Variants in ACSL5 observed in about 807,000 individuals in gnomAD.
ACSL5 encodes acyl-CoA synthetase long chain family member 5, also known as long-chain-fatty-acid--CoA ligase 5.
ACSL5 carries 50 observed loss-of-function variants against 84.9 expected under a neutral mutation model. That is an observed-to-expected ratio of 0.59 (90% CI 0.47 to 0.75). The LOEUF is 0.75. Ranked by LOEUF, ACSL5 falls within the 30% of genes least tolerant of loss-of-function variation. The pLI, the probability that ACSL5 is intolerant of heterozygous loss-of-function variation, is 0.00. For missense variants in ACSL5, 775 were observed against 830.4 expected (o/e 0.93, Z 0.82); for synonymous variants, 280 against 300.7 (o/e 0.93, Z 0.71).
chr10:112,377,979 C>T (rs1215466194), intron 1 of ACSL5, among the ~76,000 whole-genome samples: 1 of 152,114 alleles, frequency 6.6e-6, no homozygotes, highest in Non-Finnish European at 1.5e-5. Context: ...AATATTTCAG[C>T]CTAGCCTGAC....
In ACSL5 at chr10:112,426,301, C is replaced by T; in HGVS notation, c.1781C>T (p.Pro594Leu). The T allele has an allele frequency of 6.2e-7, 1 of 1,614,114 alleles. No homozygotes were observed. The highest frequency in any genetic ancestry group is 8.5e-7 in the Non-Finnish European group (1 of 1,180,014). Residue 594 changes from proline to leucine, a missense_variant, in exon 19 of 21, where the codon CCC (proline) becomes CTC (leucine). By Grantham distance (98) the Pro-to-Leu change is moderately conservative (BLOSUM62 -3). Transcript: ENST00000354655. ...GVVVPDTDVL[P>L]SFAAKLGVKG... ...GTGGTTCCTGACACAGATGTACTTC[C>T]CTCATTTGCAGCCAAGCTTGGGGTG... is the stretch of plus-strand genomic sequence containing the variant.
intron 3 of ACSL5, among the ~76,000 whole-genome samples, chr10:112,402,421 A>T (rs2133610396): frequency 6.6e-6 from 1 of 152,352 alleles, no homozygotes; most frequent in East Asian, 1.9e-4. Flanking sequence ...CATTTAATAA[A>T]TGGTAGCTAT....
chr10:112,401,764 CTTTCTTTCTT>C (rs1283981380), intron 3 of ACSL5, among the ~76,000 whole-genome samples: 1 of 151,944 alleles, frequency 6.6e-6, no homozygotes, highest in Non-Finnish European at 1.5e-5. Context: ...TCTCTCCTTT[CTTTCTTTCTT>C]TTTCTTTCTT....
At chr10:112,374,841 G>A (rs145664847) in intron 1 of ACSL5, among the ~76,000 whole-genome samples, 8 of 152,272 alleles carry the variant, frequency 5.3e-5, no homozygotes, top group South Asian at 2.1e-4. Flanking sequence ...GCTCCAAGGT[G>A]GTGTGGCTAG....
chr10:112,378,056 C>T lies in ACSL5; in HGVS notation c.-30+3787C>T, dbSNP rs570490290. On this transcript the variant is annotated intron_variant, in intron 1 of 20. Transcript: ENST00000354655. ...GCAAAGACACCAACAACAACATCAG[C>T]GTGTCATTGCATACCTAACCATCCA... Among the ~76,000 whole-genome samples, 8 of 152,140 alleles carry T rather than the reference C, an allele frequency of 5.3e-5. No individual in the cohort carries two copies. The South Asian group carries it at 6.2e-4, about 12-fold the overall frequency.
chr10:112,382,916 C>A (rs1037629715), intron 1 of ACSL5, among the ~76,000 whole-genome samples: 9 of 152,188 alleles, frequency 5.9e-5, no homozygotes, highest in African/African-American at 2.2e-4. Context: ...TTTAACAGGG[C>A]TCCCTTTGGT....
At position 112,426,873 on chromosome 10, in the gene ACSL5, C is replaced by G. The variant is rs781057450; in HGVS notation, c.1911+14C>G. 1 of 1,588,202 alleles carries G rather than the reference C, an allele frequency of 6.3e-7. No individual in the cohort carries two copies. Among genetic ancestry groups the G allele is most frequent in the East Asian group, 2.2e-5 (1 of 44,698 alleles). On this transcript the variant is annotated intron_variant, in intron 20 of 20. Transcript: ENST00000354655. The stretch of plus-strand genomic sequence containing the variant: ...ACTTTTGAACAGGTGTGTGCTACCA[C>G]TGATGTTATACTGGCCTCTTGTCAG...
At chr10:112,411,419 A>G (rs745541030) in intron 9 of ACSL5, 37 bp from the exon 10 acceptor site, 5 of 1,552,362 alleles carry the variant, frequency 3.2e-6, no homozygotes, top group South Asian at 2.2e-5. Context: ...TATTAGCTAC[A>G]TAAAGTATCT....
chr10:112,379,320 G>A (rs918292986), intron 1 of ACSL5, among the ~76,000 whole-genome samples: 11 of 151,504 alleles, frequency 7.3e-5, no homozygotes, highest in Non-Finnish European at 1.2e-4. Flanking sequence ...CAGGAGAATC[G>A]CTTGAACCCA....
At chr10:112,411,605 C>T (rs2133632690) in intron 10 of ACSL5, 76 bp downstream of exon 10, 1 of 1,300,652 alleles carries the variant, frequency 7.7e-7, no homozygotes, top group Non-Finnish European at 1.1e-6. Context: ...GAGGTTAGAG[C>T]AGGCAGACAC....
In ACSL5 at chr10:112,422,355, G is replaced by T. The variant is rs1423308292; in HGVS notation, c.1507G>T (p.Gly503Ter). The change falls in exon 17 of 21, where the codon GGA becomes TGA. Residue 503 changes from glycine (G) to a stop codon, truncating the protein, a stop_gained. Transcript: ENST00000354655. LOFTEE classifies it high-confidence loss of function. ...VCIKGTNVFK[G>*]YLKDPEKTQE... ...CATCAAGGGTACAAACGTGTTCAAA[G>T]GATACCTGAAGGACCCTGAGAAGAC... 6.2e-7 allele frequency: 1 copy of T among 1,614,136 alleles called. No individual in the cohort carries two copies. Among genetic ancestry groups the T allele is most frequent in the Admixed American group, 1.7e-5 (1 of 60,010 alleles).
At chr10:112,389,469 G>A (rs1464665473) in intron 1 of ACSL5, among the ~76,000 whole-genome samples, 1 of 152,114 alleles carries the variant, frequency 6.6e-6, no homozygotes, top group Non-Finnish European at 1.5e-5. Context: ...TGTGTACTGG[G>A]GCTTGTTCAG....
At chr10:112,378,305 G>A (rs1161547040) in intron 1 of ACSL5, among the ~76,000 whole-genome samples, 1 of 126,046 alleles carries the variant, frequency 7.9e-6, no homozygotes, top group East Asian at 2.8e-4. Context: ...TGAGTGCAGT[G>A]GCAACATCTT....
chr10:112,374,434 G>C (rs571765407), intron 1 of ACSL5, among the ~76,000 whole-genome samples, 165 bp downstream of exon 1: 1 of 152,232 alleles, frequency 6.6e-6, no homozygotes, highest in Non-Finnish European at 1.5e-5. Context: ...GACTTGTGTG[G>C]GAGGCAAAGA....
chr10:112,425,488 T>C lies in ACSL5; in HGVS notation c.1737+7T>C, dbSNP rs925477671. 1.3e-6 allele frequency: 2 copies of C among 1,597,916 alleles called. No homozygotes were observed. Among genetic ancestry groups the C allele is most frequent in the Admixed American group, 1.7e-5 (1 of 57,508 alleles). On this transcript the variant is annotated splice_region_variant and intron_variant, in intron 18 of 20. Coordinates refer to ENST00000354655, the MANE Select transcript of ACSL5 (RefSeq NM_203379.2). ...ACACGGGGAGAGCTTACGGGTAATA[T>C]ATCATTTTAACAATAGCCCATTTCA...
chr10:112,376,564 G>T, intron 1 of ACSL5: 1 of 1,435,314 alleles, frequency 7.0e-7, no homozygotes. Flanking sequence ...ATCAAGGGCC[G>T]GCTGAGTTCC....
chr10:112,410,431 T>G (rs774209881), intron 7 of ACSL5, 32 bp from the exon 8 acceptor site: 1 of 1,613,778 alleles, frequency 6.2e-7, no homozygotes, highest in Non-Finnish European at 8.5e-7. Context: ...TCTCAACTAA[T>G]GTCTTTCTTT....
rs765815713 is a variant in ACSL5 at position 112,421,643 on chromosome 10, A to G, written c.1365A>G (p.Thr455=). ...QTECTGGCTF[T]LPGDWTSGHV... is the part of the protein sequence containing the mutation. ...AATGCACAGGTGGCTGTACATTTAC[A>G]TTACCTGGGGACTGGACATCAGGTA... Residue 455 remains threonine, a synonymous_variant, in exon 15 of 21, where the codon ACA becomes ACG. Transcript: ENST00000354655. 1.8e-5 allele frequency: 29 copies of G among 1,614,018 alleles called. No individual in the cohort carries two copies. The highest frequency in any genetic ancestry group is 1.5e-4 in the South Asian group (14 of 91,082).
intron 12 of ACSL5, among the ~76,000 whole-genome samples, chr10:112,416,641 C>G (rs1176316498): frequency 1.3e-5 from 2 of 151,978 alleles, no homozygotes; most frequent in Non-Finnish European, 2.9e-5. Flanking sequence ...TCTCAGTTGT[C>G]AAGTTGTTTC....
Sources: allele counts gnomAD v4.1 joint callset (sites outside exome capture counted in the v4.1 genomes callset), GRCh38; gene constraint gnomAD v4.1.1; transcripts MANE v1.5; gene names NCBI Gene and HGNC (gene_info 2026-07-23, HGNC 2026-07-21).